Variants in PDE4A observed in about 807,000 individuals in gnomAD.
The protein encoded by PDE4A is 3',5'-cyclic-AMP phosphodiesterase 4A.
A neutral mutation model predicts 73.9 loss-of-function variants in PDE4A; 21 were observed. The ratio of observed to expected loss-of-function variants is 0.28; its 90% confidence interval spans 0.20 to 0.41. The LOEUF (loss-of-function observed/expected upper bound fraction) is 0.41. PDE4A is among the 10% of genes least tolerant of loss of function. The pLI is 1.00. For synonymous variants in PDE4A, 463 were observed against 505.4 expected (o/e 0.92, Z 1.13); for missense variants, 958 against 1,211.4 (o/e 0.79, Z 3.10).
Position 10,434,524 on chromosome 19 carries a change from G to T in PDE4A, c.321-11694G>T, listed in dbSNP as rs138237953. Among the ~76,000 whole-genome samples the T allele has an allele frequency of 7.2e-4, 108 of 150,016 alleles. 1 individual carries two copies. Among genetic ancestry groups the T allele is most frequent in the African/African-American group, 2.6e-3 (106 of 40,900 alleles). ...TGCCTGGCCTCAGTTTCTTTGTCTG[G>T]AAAATGGAGCATTAATGCATGTTAC... On this transcript the variant is annotated intron_variant, in intron 1 of 14. Coordinates refer to ENST00000380702, the MANE Select transcript of PDE4A (RefSeq NM_001111307.2).
At chr19:10,441,982 C>A (rs899091589) in intron 1 of PDE4A, among the ~76,000 whole-genome samples, 7 of 152,004 alleles carry the variant, frequency 4.6e-5, no homozygotes, top group Admixed American at 4.6e-4. Flanking sequence ...TGAGCCACCA[C>A]GCCCTGCCTT....
chr19:10,466,165 G>T (rs2144529343), intron 14 of PDE4A, among the ~76,000 whole-genome samples: 1 of 148,166 alleles, frequency 6.7e-6, no homozygotes, highest in South Asian at 2.3e-4. Flanking sequence ...TTAAAAAATA[G>T]GCCAGGTGCA....
chr19:10,448,141 C>A (rs1382040904), intron 2 of PDE4A, among the ~76,000 whole-genome samples: 4 of 149,886 alleles, frequency 2.7e-5, no homozygotes, highest in African/African-American at 7.4e-5. Flanking sequence ...TGCTCTGTCA[C>A]CAGGCTGGAG....
Position 10,439,831 on chromosome 19 carries a change from C to G in PDE4A, c.321-6387C>G, listed in dbSNP as rs143201409. ...ACAGGACACGGGTAAAGGCCAGTTA[C>G]AAGTGGCATCCTGGAGAGAAGGTGG... On this transcript the variant is annotated intron_variant, in intron 1 of 14. Transcript: ENST00000380702. 1.6e-3 allele frequency among the ~76,000 whole-genome samples: 249 copies of G among 152,152 alleles called. 1 individual carries two copies. The highest frequency in any genetic ancestry group is 5.8e-3 in the African/African-American group (242 of 41,496).
At chr19:10,420,248 C>T (rs2042630722), upstream of PDE4A, 1 of 279,834 alleles carries the variant, frequency 3.6e-6, no homozygotes, top group Non-Finnish European at 5.4e-6. The surrounding 1 kb of genome is among the most constrained non-coding windows in gnomAD (Gnocchi z 6.0). Context: ...CCGGTGTCTG[C>T]TTCCAGATCG....
At chr19:10,466,144 C>T (rs2043366285) in intron 14 of PDE4A, among the ~76,000 whole-genome samples, 1 of 147,096 alleles carries the variant, frequency 6.8e-6, no homozygotes, top group South Asian at 2.4e-4. Context: ...GCTGGAATTG[C>T]ATTTAGCTTT....
At chr19:10,454,504 T>C (rs2145557897) in intron 6 of PDE4A, among the ~76,000 whole-genome samples, 1 of 152,332 alleles carries the variant, frequency 6.6e-6, no homozygotes, top group East Asian at 1.9e-4. Context: ...GCTTCCCTAT[T>C]GGCTCCCTGT....
chr19:10,417,813 C>T, upstream of PDE4A: 6 of 1,556,902 alleles, frequency 3.9e-6, no homozygotes, highest in Non-Finnish European at 5.2e-6. Context: ...GCCCACCACC[C>T]TGCCGCTGCT....
At chr19:10,447,798 A>G (rs949526475) in intron 2 of PDE4A, among the ~76,000 whole-genome samples, 4 of 152,012 alleles carry the variant, frequency 2.6e-5, no homozygotes, top group Admixed American at 1.3e-4. Flanking sequence ...AACCTCCCTT[A>G]TCGTGACACT....
intron 1 of PDE4A, among the ~76,000 whole-genome samples, chr19:10,422,344 G>A (rs922311731): frequency 3.9e-5 from 6 of 152,106 alleles, no homozygotes; most frequent in Non-Finnish European, 8.8e-5. Flanking sequence ...TCTGAGCGTC[G>A]GTGCTCTGAC....
At chr19:10,430,975 C>A in intron 1 of PDE4A, 1 of 1,553,006 alleles carries the variant, frequency 6.4e-7, no homozygotes, top group Non-Finnish European at 8.6e-7. Context: ...CGCCCGCGTT[C>A]GCCGCCCTCC....
chr19:10,418,709 C>G (rs1055248590), upstream of PDE4A: 5 of 974,222 alleles, frequency 5.1e-6, no homozygotes, highest in South Asian at 4.7e-5. Context: ...CCTCCTTCTT[C>G]TGCAACCCCA....
chr19:10,419,056 CTT>C (rs977830124), upstream of PDE4A: 39,949 of 785,610 alleles, frequency 0.051, no homozygotes, highest in Non-Finnish European at 0.053. Context: ...GACCGGCAGT[CTT>C]TTTTTTTTTT....
chr19:10,433,272 C>A (rs1430231218), intron 1 of PDE4A, among the ~76,000 whole-genome samples: 1 of 152,116 alleles, frequency 6.6e-6, no homozygotes, highest in South Asian at 2.1e-4. Context: ...CATGGCCACA[C>A]ACAGGTGACA....
At chr19:10,421,243 C>T (rs1220044270) in intron 1 of PDE4A, 159 bp downstream of exon 1, 3 of 985,364 alleles carry the variant, frequency 3.0e-6, no homozygotes, top group Non-Finnish European at 3.6e-6. Flanking sequence ...GACCTGGCCC[C>T]TGGTTGTGCG....
chr19:10,451,006 A>C, intron 6 of PDE4A, 65 bp downstream of exon 6: 1 of 1,481,298 alleles, frequency 6.8e-7, no homozygotes, highest in Non-Finnish European at 9.2e-7. Flanking sequence ...GGGTAGAGCC[A>C]ACCGCTGGAT....
rs200425903 is a variant in PDE4A at position 10,459,790 on chromosome 19, CAT to C, written c.1365+32_1365+33del. The C allele has an allele frequency of 6.1e-3, 9,560 of 1,575,372 alleles. 501 individuals carry two copies. The African/African-American group carries it at 0.12, about 19-fold the overall frequency. ...TGACTGCCCTGTGAGTGACCGTCCC[CAT>C]CTCTCTTTGTGACTGCCTCTTCAGC... On this transcript the variant is annotated intron_variant, in intron 10 of 14. Transcript: ENST00000380702.
chr19:10,467,853 G>A lies in PDE4A; in HGVS notation c.*232G>A, dbSNP rs372372643. ...GGAATGAGGGGCTGAGGTCCCGGAA[G>A]GGATTTTATTTTTTTGAATTTTAAT... On this transcript the variant is annotated 3_prime_UTR_variant, in exon 15 of 15. Transcript: ENST00000380702. 7.7e-6 allele frequency: 3 copies of A among 389,384 alleles called. No individual in the cohort carries two copies. Among genetic ancestry groups the A allele is most frequent in the East Asian group, 3.7e-5 (1 of 27,318 alleles). 24.1% of individuals were successfully genotyped at this position (389,384 alleles called of 1,614,324 possible).
Position 10,458,862 on chromosome 19 carries a change from A to G in PDE4A, c.1102-538A>G, listed in dbSNP as rs1334149363. On this transcript the variant is annotated intron_variant, in intron 8 of 14. Transcript: ENST00000380702. The surrounding 1 kb of genome is among the most constrained non-coding windows in gnomAD (Gnocchi z 4.6). ...TCGAACTCCTGGCCTCAAGTGATCC[A>G]CCCGCCTTAGCCTCACAAAGTGCTG... is the stretch of plus-strand genomic sequence containing the variant. 1.3e-5 allele frequency: 2 copies of G among 154,956 alleles called. No individual in the cohort carries two copies. Among genetic ancestry groups the G allele is most frequent in the East Asian group, 1.9e-4 (1 of 5,338 alleles). 9.6% of individuals were successfully genotyped at this position (154,956 alleles called of 1,614,324 possible). A position where few individuals can be genotyped will look rare whatever the true frequency, so the allele number is the denominator to read the frequency against.
Sources: allele counts gnomAD v4.1 joint callset (sites outside exome capture counted in the v4.1 genomes callset), GRCh38; gene constraint gnomAD v4.1.1; non-coding constraint Gnocchi (gnomAD v3.1); transcripts MANE v1.5; gene names NCBI Gene and HGNC (gene_info 2026-07-23, HGNC 2026-07-21).